NUP93: variants seen among roughly 807,000 people sequenced by gnomAD.
The protein encoded by NUP93 is nucleoporin 93, also known as nuclear pore complex protein Nup93.
A neutral mutation model predicts 107.8 loss-of-function variants in NUP93; 55 were observed. That is an observed-to-expected ratio of 0.51 (90% confidence interval 0.41 to 0.64). NUP93 has a LOEUF of 0.64. NUP93 is among the 30% of genes least tolerant of loss of function. NUP93 has a pLI of 0.00. For missense variants in NUP93, 937 were observed against 1,044.7 expected (o/e 0.90, Z 1.42); for synonymous variants, 390 against 397.5 (o/e 0.98, Z 0.22).
At chr16:56,809,356 G>T (rs1234723881) in intron 5 of NUP93, among the ~76,000 whole-genome samples, 1 of 152,056 alleles carries the variant, frequency 6.6e-6, no homozygotes, top group African/African-American at 2.4e-5. Flanking sequence ...AGATTATTGG[G>T]GAAGATTAGT....
intron 3 of NUP93, among the ~76,000 whole-genome samples, chr16:56,794,590 G>C (rs985700969): frequency 6.1e-4 from 77 of 126,540 alleles, no homozygotes; most frequent in Middle Eastern, 3.8e-3. Flanking sequence ...GTGATAGAGA[G>C]AGAGAGAGAG....
intron 5 of NUP93, among the ~76,000 whole-genome samples, chr16:56,811,539 C>T (rs1176872265): frequency 4.0e-5 from 6 of 151,662 alleles, no homozygotes; most frequent in Non-Finnish European, 7.4e-5. Context: ...GAAACAGAGT[C>T]TCACTCTGTC....
chr16:56,763,494 GTGTGGGTGGGTGTGTGTGTGTA>G (rs1262165141), intron 3 of NUP93, among the ~76,000 whole-genome samples: 11 of 150,198 alleles, frequency 7.3e-5, no homozygotes, highest in South Asian at 2.1e-4. Context: ...GTGTGTGTGT[GTGTGGGTGGGTGTGTGTGTGTA>G]TGTGTGGGTG....
chr16:56,812,264 T>C (rs1596828504), intron 5 of NUP93, among the ~76,000 whole-genome samples: 1 of 152,086 alleles, frequency 6.6e-6, no homozygotes, highest in Non-Finnish European at 1.5e-5. Context: ...AACATGTTTT[T>C]CCCCCACACC....
chr16:56,781,728 G>C, intron 3 of NUP93: 2 of 649,350 alleles, frequency 3.1e-6, no homozygotes, highest in Non-Finnish European at 3.8e-6. Context: ...GGGAAAAAAA[G>C]TATCATAGCA....
chr16:56,740,312 G>A (rs1961705352), intron 1 of NUP93, among the ~76,000 whole-genome samples: 1 of 149,742 alleles, frequency 6.7e-6, no homozygotes, highest in Non-Finnish European at 1.5e-5. Flanking sequence ...TCTCAGACGG[G>A]GCGGCCGGGC....
At chr16:56,785,489 C>T (rs1222400682) in intron 3 of NUP93, among the ~76,000 whole-genome samples, 2 of 152,092 alleles carry the variant, frequency 1.3e-5, no homozygotes, top group Non-Finnish European at 2.9e-5. Context: ...TTTAGCCTGG[C>T]TGATAGTGAA....
intron 3 of NUP93, among the ~76,000 whole-genome samples, chr16:56,778,899 A>C (rs527902443): frequency 6.6e-6 from 1 of 152,200 alleles, no homozygotes; most frequent in Admixed American, 6.5e-5. Flanking sequence ...ATGAATGTGT[A>C]ATAGGAGAAA....
At position 56,807,155 on chromosome 16, in the gene NUP93, G is replaced by C. The variant is rs148308740; in HGVS notation, c.489+1523G>C. ...TGTTCTTGCTGCACCAGCCGAACAGGCTTCTTACAGGTTCCTTCAGCAAAC... is the reference window on the plus strand; with the variant it reads ...TGTTCTTGCTGCACCAGCCGAACAGCCTTCTTACAGGTTCCTTCAGCAAAC... On this transcript the variant is annotated intron_variant, in intron 5 of 21. Coordinates refer to ENST00000308159, the MANE Select transcript of NUP93 (RefSeq NM_014669.5). Among the ~76,000 whole-genome samples the C allele has an allele frequency of 1.1e-3, 175 of 152,292 alleles. 1 individual carries two copies. Among genetic ancestry groups the C allele is most frequent in the Admixed American group, 1.9e-3 (29 of 15,300 alleles).
chr16:56,761,427 G>T (rs1298483079), intron 3 of NUP93, among the ~76,000 whole-genome samples: 2 of 152,046 alleles, frequency 1.3e-5, no homozygotes, highest in African/African-American at 4.8e-5. Flanking sequence ...TCAGTGATTT[G>T]TCTTTAGAAA....
intron 2 of NUP93, among the ~76,000 whole-genome samples, chr16:56,751,466 T>C (rs1389571699): frequency 6.6e-6 from 1 of 152,224 alleles, no homozygotes; most frequent in Non-Finnish European, 1.5e-5. Flanking sequence ...GTTTTAAACT[T>C]GAGGAAAGTC....
intron 1 of NUP93, among the ~76,000 whole-genome samples, chr16:56,732,221 C>T (rs1428126487): frequency 6.6e-6 from 1 of 152,182 alleles, no homozygotes; most frequent in African/African-American, 2.4e-5. Context: ...GTATTGTTGT[C>T]TTCCCCCTGT....
intron 1 of NUP93, among the ~76,000 whole-genome samples, chr16:56,746,739 C>CAAAAATACAA (rs1961826555): frequency 6.6e-6 from 1 of 152,142 alleles, no homozygotes; most frequent in Non-Finnish European, 1.5e-5. Context: ...ACTAAAAATA[C>CAAAAATACAA]AAAAAAGCTG....
intron 3 of NUP93, among the ~76,000 whole-genome samples, chr16:56,772,090 T>C (rs992707144): frequency 6.6e-6 from 1 of 152,194 alleles, no homozygotes; most frequent in East Asian, 1.9e-4. Context: ...CATCCCTCTC[T>C]CTGCCACCTG....
intron 3 of NUP93, among the ~76,000 whole-genome samples, chr16:56,784,571 A>T (rs1186348098): frequency 6.6e-6 from 1 of 152,174 alleles, no homozygotes; most frequent in East Asian, 1.9e-4. Context: ...TTGTTCCTTT[A>T]TACTGTTACT....
intron 20 of NUP93, among the ~76,000 whole-genome samples, chr16:56,841,210 T>G (rs1208676266): frequency 6.6e-6 from 1 of 152,126 alleles, no homozygotes; most frequent in East Asian, 1.9e-4. Flanking sequence ...CATCAGGGAT[T>G]AAAGTGGTAC....
chr16:56,731,017 C>T (rs1316992521), intron 1 of NUP93, among the ~76,000 whole-genome samples: 1 of 152,094 alleles, frequency 6.6e-6, no homozygotes, highest in Non-Finnish European at 1.5e-5. Flanking sequence ...GGGAGGGTAT[C>T]CTCGGTCATC....
intron 1 of NUP93, among the ~76,000 whole-genome samples, chr16:56,741,030 G>C (rs1004315280): frequency 3.3e-5 from 5 of 151,382 alleles, no homozygotes; most frequent in Admixed American, 2.6e-4. Flanking sequence ...AGAGGGAGAG[G>C]GAGAGCGCTA....
intron 3 of NUP93, among the ~76,000 whole-genome samples, chr16:56,774,355 C>T (rs1203565487): frequency 1.3e-5 from 2 of 152,176 alleles, no homozygotes. Flanking sequence ...CCTGATTTCT[C>T]TGCCTTTTTC....
Sources: gnomAD v4.1 joint callset for allele counts (sites outside exome capture counted in the v4.1 genomes callset) on GRCh38, gnomAD v4.1.1 for gene constraint, MANE v1.5 for transcripts, NCBI Gene and HGNC (gene_info 2026-07-23, HGNC 2026-07-21) for gene names.